The following SCN2B variants were observed in gnomAD, a reference collection of about 807,000 sequenced individuals.
The protein encoded by SCN2B is sodium channel regulatory subunit beta-2.
SCN2B carries 14 observed loss-of-function variants against 18.2 expected under a neutral mutation model. That is an observed-to-expected ratio of 0.77 (90% confidence interval 0.51 to 1.21). The LOEUF (loss-of-function observed/expected upper bound fraction) is 1.21, where lower values mean the gene tolerates loss of function less well. Ranked by LOEUF, SCN2B falls within the 50% of genes most tolerant of loss-of-function variation. The probability of loss-of-function intolerance (pLI) is 0.00; values close to 1 mark genes in which losing one functional copy is unlikely to be tolerated. For synonymous variants in SCN2B, 115 were observed against 115.3 expected, an observed-to-expected ratio of 1.00 and a Z score of 0.02; for missense variants, 262 against 286.9, an observed-to-expected ratio of 0.91 and a Z score of 0.63.
chr11:118,175,790 T>C (rs963902789), intron 1 of SCN2B, among the ~76,000 whole-genome samples: 1 of 152,042 alleles, frequency 6.6e-6, no homozygotes, highest in African/African-American at 2.4e-5. Flanking sequence ...AGTGCGTGCC[T>C]CAGCAGGTCT....
chr11:118,172,761 C>T (rs1271640361), intron 1 of SCN2B, among the ~76,000 whole-genome samples: 1 of 152,240 alleles, frequency 6.6e-6, no homozygotes, highest in Non-Finnish European at 1.5e-5. Context: ...ACTGTTCTAA[C>T]TAGCCCATCT....
At chr11:118,171,555 A>C (rs925711968) in intron 1 of SCN2B, among the ~76,000 whole-genome samples, 1 of 152,180 alleles carries the variant, frequency 6.6e-6, no homozygotes, top group African/African-American at 2.4e-5. Context: ...CGTTCTGCGA[A>C]GCCCGGCGGA....
intron 1 of SCN2B, among the ~76,000 whole-genome samples, chr11:118,172,697 C>T (rs1043740413): frequency 6.6e-6 from 1 of 152,182 alleles, no homozygotes; most frequent in East Asian, 1.9e-4. Flanking sequence ...TCAGCAGTGG[C>T]GGGCCACCCG....
In SCN2B at chr11:118,171,117, C is replaced by A. The variant is rs1255827361; in HGVS notation, c.71-2366G>T. 2.0e-5 allele frequency among the ~76,000 whole-genome samples: 3 copies of A among 152,206 alleles called. No individual in the cohort carries two copies. In the East Asian group the frequency reaches 5.8e-4, roughly 29 times the overall value. ...AAGAACCAGAGATTCTCTGAACTGG[C>A]AGCAGCCCTGGATGGAGGGGTAGGC... On this transcript the variant is annotated intron_variant, in intron 1 of 3. Transcript: ENST00000278947.
Position 118,164,087 on chromosome 11 carries a change from G to A in SCN2B, c.*2800C>T, listed in dbSNP as rs1164924653. ...TCCTGGGCCCCAGTTGATCAGGGCAGAGGAAAAAAAGACTCCAGGAATCTT... is the reference window on the plus strand; with the variant it reads ...TCCTGGGCCCCAGTTGATCAGGGCAAAGGAAAAAAAGACTCCAGGAATCTT... On this transcript the variant is annotated 3_prime_UTR_variant, in exon 4 of 4. Transcript: ENST00000278947. 6.6e-6 allele frequency: 1 copy of A among 152,120 alleles called. No individual in the cohort carries two copies. The highest frequency in any genetic ancestry group is 1.5e-5 in the Non-Finnish European group (1 of 68,012). The allele number at this position is 152,120 out of a possible 1,614,324, so 9.4% of individuals were successfully genotyped here.
intron 1 of SCN2B, among the ~76,000 whole-genome samples, chr11:118,171,766 G>T (rs1285319940): frequency 6.6e-6 from 1 of 152,204 alleles, no homozygotes; most frequent in Non-Finnish European, 1.5e-5. Context: ...CCTGCAGCGG[G>T]GCCCTGCAGA....
rs1948470727 is a variant in SCN2B, at chr11:118,176,602, G to A, written c.-171C>T. ...TCCATCTCTCTAATATGGCCGGCTTGTATGTTGCTGCTAAAAAGAGAGAGA... is the reference window on the plus strand; with the variant it reads ...TCCATCTCTCTAATATGGCCGGCTTATATGTTGCTGCTAAAAAGAGAGAGA... On this transcript the variant is annotated 5_prime_UTR_variant, in exon 1 of 4. Coordinates refer to ENST00000278947, the MANE Select transcript of SCN2B (RefSeq NM_004588.5). 7 of 450,126 alleles carry A rather than the reference G, an allele frequency of 1.6e-5. No individual in the cohort carries two copies. The highest frequency in any genetic ancestry group is 9.6e-5 in the Admixed American group (3 of 31,134). The allele number at this position is 450,126 out of a possible 1,614,324, so 27.9% of individuals were successfully genotyped here. A position where few individuals can be genotyped will look rare whatever the true frequency, so the allele number is the denominator to read the frequency against.
At chr11:118,167,440 G>A (rs1441339265) in intron 3 of SCN2B, among the ~76,000 whole-genome samples, 1 of 152,164 alleles carries the variant, frequency 6.6e-6, no homozygotes, top group East Asian at 1.9e-4. Context: ...CTTAATAATA[G>A]TACCTCCCTC....
At chr11:118,174,091 C>CTTTTGTTT (rs1555101438) in intron 1 of SCN2B, among the ~76,000 whole-genome samples, 895 of 66,724 alleles carry the variant, frequency 0.013, 94 homozygotes, top group African/African-American at 0.027. Context: ...TTTTTCTTTT[C>CTTTTGTTT]TTTTTTTTTT....
At position 118,176,407 on chromosome 11, in the gene SCN2B, G is replaced by A. The variant is rs878854711; in HGVS notation, c.25C>T (p.Arg9Cys). Residue 9 changes from arginine to cysteine, a missense_variant, in exon 1 of 4, where the codon CGC (arginine) becomes TGC (cysteine). By Grantham distance (180) the Arg-to-Cys change is radical. Coordinates refer to ENST00000278947, the MANE Select transcript of SCN2B (RefSeq NM_004588.5). MHRDAWLPRPAFSLTGLSL... is the reference protein window; with the variant it reads MHRDAWLPCPAFSLTGLSL... ...AGCCCCGTGAGGCTGAAGGCAGGGCGAGGTAGCCAGGCATCTCTGTGCATT... is the reference window on the plus strand; with the variant it reads ...AGCCCCGTGAGGCTGAAGGCAGGGCAAGGTAGCCAGGCATCTCTGTGCATT... 3.1e-6 allele frequency: 5 copies of A among 1,614,058 alleles called. No homozygotes were observed. Among genetic ancestry groups the A allele is most frequent in the Non-Finnish European group, 3.4e-6 (4 of 1,179,982 alleles).
In SCN2B at chr11:118,164,778, C is replaced by T. The variant is rs569536310; in HGVS notation, c.*2109G>A. On this transcript the variant is annotated 3_prime_UTR_variant, in exon 4 of 4. Transcript: ENST00000278947. ...TGGCTTTGTGTATATCCCCAGTGCCCGGCACAGTGCCTGGCACATAATAGA... is the reference window on the plus strand; with the variant it reads ...TGGCTTTGTGTATATCCCCAGTGCCTGGCACAGTGCCTGGCACATAATAGA... The T allele has an allele frequency of 4.6e-5, 7 of 152,760 alleles. No individual in the cohort carries two copies. Among genetic ancestry groups the T allele is most frequent in the African/African-American group, 7.2e-5 (3 of 41,566 alleles). 9.5% of individuals were successfully genotyped at this position (152,760 alleles called of 1,614,324 possible).
At position 118,165,163 on chromosome 11, in the gene SCN2B, C is replaced by G. The variant is rs1445561383; in HGVS notation, c.*1724G>C. On this transcript the variant is annotated 3_prime_UTR_variant, in exon 4 of 4. Coordinates refer to ENST00000278947, the MANE Select transcript of SCN2B (RefSeq NM_004588.5). ...GGGGCAGGGCTAGAGAAGCCCACCCCTCCAACTCGCCCCATCATAGACCAG... is the reference window on the plus strand; with the variant it reads ...GGGGCAGGGCTAGAGAAGCCCACCCGTCCAACTCGCCCCATCATAGACCAG... 6.6e-6 allele frequency: 1 copy of G among 152,546 alleles called. No homozygotes were observed. Among genetic ancestry groups the G allele is most frequent in the Middle Eastern group, 3.1e-3 (1 of 318 alleles). The allele number at this position is 152,546 out of a possible 1,614,324, so 9.4% of individuals were successfully genotyped here.
At chr11:118,167,215 C>T (rs185253102) in intron 3 of SCN2B, 129 bp from the exon 4 acceptor site, 16 of 985,918 alleles carry the variant, frequency 1.6e-5, no homozygotes, top group East Asian at 1.3e-4. Flanking sequence ...TTAGCAAAGC[C>T]GAAAAGCAAT....
intron 1 of SCN2B, among the ~76,000 whole-genome samples, chr11:118,170,547 G>C (rs908339482): frequency 3.3e-5 from 5 of 152,128 alleles, no homozygotes; most frequent in Middle Eastern, 3.2e-3. Flanking sequence ...TTCCTCTTTG[G>C]AGTGTGATAG....
chr11:118,163,411 C>T lies in SCN2B; in HGVS notation c.*3476G>A, dbSNP rs543264926. 42 of 152,708 alleles carry T rather than the reference C, an allele frequency of 2.8e-4. No individual in the cohort carries two copies. Among genetic ancestry groups the T allele is most frequent in the African/African-American group, 9.4e-4 (39 of 41,560 alleles). The allele number at this position is 152,708 out of a possible 1,614,324, so 9.5% of individuals were successfully genotyped here. On this transcript the variant is annotated 3_prime_UTR_variant, in exon 4 of 4. Transcript: ENST00000278947. ...CTGACCTTGCAAATATTTACCAGCC[C>T]AACCTCCCCAAGGAGACTCGCAGAG...
At chr11:118,173,317 T>C (rs1036612877) in intron 1 of SCN2B, among the ~76,000 whole-genome samples, 1 of 151,570 alleles carries the variant, frequency 6.6e-6, no homozygotes, top group Non-Finnish European at 1.5e-5. Context: ...CACGTATTTT[T>C]GCTTCAGGTT....
intron 1 of SCN2B, among the ~76,000 whole-genome samples, chr11:118,171,575 G>A (rs1330170958): frequency 1.3e-5 from 2 of 152,224 alleles, no homozygotes; most frequent in Admixed American, 1.3e-4. Context: ...ACTCTGTGCG[G>A]GCCTCTGCCC....
In SCN2B at chr11:118,165,463, CTTTTTTTTTTTTTTT is replaced by C. The variant is rs137901699; in HGVS notation, c.*1409_*1423del. On this transcript the variant is annotated 3_prime_UTR_variant, in exon 4 of 4. Coordinates refer to ENST00000278947, the MANE Select transcript of SCN2B (RefSeq NM_004588.5). ...GTGATGGTTGGCTCCGCACAATTGC[CTTTTTTTTTTTTTTT>C]TTTTTTTTTTGAGATGGAGTCTCTC... The C allele has an allele frequency of 2.5e-5, 2 of 79,372 alleles. No homozygotes were observed. The highest frequency in any genetic ancestry group is 4.3e-4 in the East Asian group (1 of 2,326). 4.9% of individuals were successfully genotyped at this position (79,372 alleles called of 1,614,324 possible). A position where few individuals can be genotyped will look rare whatever the true frequency, so the allele number is the denominator to read the frequency against.
Position 118,166,854 on chromosome 11 carries a change from CG to C in SCN2B, c.*32del. On this transcript the variant is annotated 3_prime_UTR_variant, in exon 4 of 4. Transcript: ENST00000278947. ...TGTACAGGGCGGAGAGGGGAGGAGA[CG>C]GGACACGGGAGGCTGCAGGGCCGGC... is the stretch of plus-strand genomic sequence containing the variant. The C allele has an allele frequency of 6.2e-7, 1 of 1,612,116 alleles. No homozygotes were observed. Among genetic ancestry groups the C allele is most frequent in the Non-Finnish European group, 8.5e-7 (1 of 1,179,400 alleles).
Sources: allele counts gnomAD v4.1 joint callset (sites outside exome capture counted in the v4.1 genomes callset), GRCh38; gene constraint gnomAD v4.1.1; transcripts MANE v1.5; gene names NCBI Gene and HGNC (gene_info 2026-07-23, HGNC 2026-07-21).